DSE: variants seen among roughly 807,000 people sequenced by gnomAD.
The protein encoded by DSE is dermatan-sulfate epimerase.
DSE carries 36 observed loss-of-function variants against 84.4 expected under a neutral mutation model. The observed-to-expected ratio is 0.43, with a 90% CI of 0.33 to 0.56. DSE has a LOEUF of 0.56. Ranked by LOEUF, DSE falls within the 20% of genes least tolerant of loss-of-function variation. The pLI is 0.06. For synonymous variants in DSE, 410 were observed against 430.1 expected (o/e 0.95, Z 0.58); for missense variants, 862 against 1,169.6 (o/e 0.74, Z 3.84).
intron 2 of DSE, among the ~76,000 whole-genome samples, chr6:116,330,333 C>T (rs1003869399): frequency 8.5e-5 from 13 of 152,242 alleles, no homozygotes; most frequent in South Asian, 2.1e-4. Flanking sequence ...CAGAGGAAGG[C>T]GTATTAAAAA....
chr6:116,285,078 C>T (rs1490288648), intron 2 of DSE, among the ~76,000 whole-genome samples: 1 of 152,150 alleles, frequency 6.6e-6, no homozygotes, highest in African/African-American at 2.4e-5. Context: ...AGTTCTAGAT[C>T]CCTGAGGACT....
chr6:116,280,259 A>G lies in DSE; in HGVS notation c.-54+21292A>G, dbSNP rs532454183. 6.2e-4 allele frequency: 173 copies of G among 279,728 alleles called. 1 individual carries two copies. The highest frequency in any genetic ancestry group is 8.0e-4 in the Non-Finnish European group (113 of 141,490). 17.3% of individuals were successfully genotyped at this position (279,728 alleles called of 1,614,324 possible). Reference sequence around the variant, plus strand: ...TGGTCTTCACTTTTTTGAGGCAGGAAGGTAAATCTATTCCCTGTTACTCCA... The same window carrying G: ...TGGTCTTCACTTTTTTGAGGCAGGAGGGTAAATCTATTCCCTGTTACTCCA... On this transcript the variant is annotated intron_variant, in intron 2 of 3. Coordinates refer to the DSE transcript ENST00000430252.
At chr6:116,256,068 AC>A (rs1310824361) in intron 1 of DSE, 1 of 152,116 alleles carries the variant, frequency 6.6e-6, no homozygotes, top group Non-Finnish European at 1.5e-5. Context: ...ATAAACAAAG[AC>A]CCAGTGAGCA....
chr6:116,372,330 T>C (rs1412683780), intron 1 of DSE, among the ~76,000 whole-genome samples: 1 of 152,070 alleles, frequency 6.6e-6, no homozygotes, highest in East Asian at 1.9e-4. Context: ...TAGCCGGGCG[T>C]GGTGGCGGGC....
chr6:116,343,827 A>G (rs1777774510), intron 2 of DSE, among the ~76,000 whole-genome samples: 1 of 152,178 alleles, frequency 6.6e-6, no homozygotes, highest in African/African-American at 2.4e-5. Context: ...ATCGGTAATA[A>G]CAAACTTCTC....
chr6:116,289,618 A>G (rs979556595), intron 2 of DSE, among the ~76,000 whole-genome samples: 1 of 152,120 alleles, frequency 6.6e-6, no homozygotes, highest in East Asian at 1.9e-4. Flanking sequence ...GAACAACTAG[A>G]CCTTCATGAT....
At chr6:116,411,169 G>C (rs1782327126) in intron 2 of DSE, among the ~76,000 whole-genome samples, 1 of 152,108 alleles carries the variant, frequency 6.6e-6, no homozygotes, top group African/African-American at 2.4e-5. Flanking sequence ...ATGTGTGTGT[G>C]TGTTGTGCGT....
At chr6:116,311,387 A>C (rs957967111) in intron 2 of DSE, among the ~76,000 whole-genome samples, 1 of 152,238 alleles carries the variant, frequency 6.6e-6, no homozygotes, top group African/African-American at 2.4e-5. Flanking sequence ...GAAATATAGT[A>C]GAAATAAAGA....
At chr6:116,254,392 C>G (rs1178513109) in intron 1 of DSE, 1 of 471,392 alleles carries the variant, frequency 2.1e-6, no homozygotes, top group African/African-American at 2.0e-5. Flanking sequence ...AGGTGAGTTA[C>G]TGTCTATTCA....
At chr6:116,370,866 C>T (rs995817171), upstream of DSE, 1 of 985,794 alleles carries the variant, frequency 1.0e-6, no homozygotes, top group Non-Finnish European at 1.2e-6. Flanking sequence ...CCTCCCCCCT[C>T]CAGCGGAGCC....
rs1773426708 is a variant in DSE, at chr6:116,280,099, G to A, written c.-54+21132G>A. ...AATTTTACCTACGTAAATAAATGTC[G>A]ATTGTGCTGAGTCTGGAAGCGCGGA... is the stretch of plus-strand genomic sequence containing the variant. On this transcript the variant is annotated intron_variant, in intron 2 of 3. Coordinates refer to the DSE transcript ENST00000430252. The A allele has an allele frequency of 7.3e-6, 4 of 547,342 alleles. No homozygotes were observed. In the Admixed American group the frequency reaches 1.2e-4, roughly 17 times the overall value. The allele number at this position is 547,342 out of a possible 1,614,324, so 33.9% of individuals were successfully genotyped here.
At chr6:116,323,834 A>T (rs1328365477) in intron 2 of DSE, among the ~76,000 whole-genome samples, 1 of 152,176 alleles carries the variant, frequency 6.6e-6, no homozygotes, top group Non-Finnish European at 1.5e-5. Context: ...TAGCCTGATC[A>T]TGTGCATCTT....
At chr6:116,397,555 G>C (rs761719765) in intron 1 of DSE, among the ~76,000 whole-genome samples, 8 of 152,086 alleles carry the variant, frequency 5.3e-5, no homozygotes, top group Non-Finnish European at 1.0e-4. Context: ...TGGGGGGACT[G>C]AGCATTACCT....
At chr6:116,379,940 T>C (rs1249761211) in intron 1 of DSE, among the ~76,000 whole-genome samples, 1 of 152,308 alleles carries the variant, frequency 6.6e-6, no homozygotes, top group East Asian at 1.9e-4. Context: ...TCATAAACCC[T>C]GCACATAAGG....
intron 1 of DSE, among the ~76,000 whole-genome samples, chr6:116,377,545 T>G (rs572109363): frequency 1.3e-5 from 2 of 152,314 alleles, no homozygotes; most frequent in East Asian, 3.9e-4. Context: ...AAGAAATAAC[T>G]GACTAGAAAT....
At chr6:116,384,346 T>G (rs1459534205) in intron 1 of DSE, among the ~76,000 whole-genome samples, 1 of 152,116 alleles carries the variant, frequency 6.6e-6, no homozygotes, top group African/African-American at 2.4e-5. Context: ...CCTTGGAATG[T>G]CAGGAAATAA....
intron 2 of DSE, among the ~76,000 whole-genome samples, chr6:116,318,041 A>G (rs1165059972): frequency 1.3e-5 from 2 of 152,158 alleles, no homozygotes; most frequent in African/African-American, 4.8e-5. Flanking sequence ...ATCCTAATCA[A>G]AGCAAGTTTT....
chr6:116,305,448 G>A (rs1183080034), intron 2 of DSE, among the ~76,000 whole-genome samples: 2 of 152,118 alleles, frequency 1.3e-5, no homozygotes, highest in African/African-American at 4.8e-5. Context: ...CCAGATTGAA[G>A]GAGACAAAAG....
upstream of DSE, among the ~76,000 whole-genome samples, chr6:116,368,950 G>GGT (rs1201780083): frequency 4.0e-5 from 6 of 151,410 alleles, no homozygotes; most frequent in Admixed American, 4.0e-4. Context: ...GGACGGGGGG[G>GGT]GCTTTGCACA....
Sources: allele counts gnomAD v4.1 joint callset (sites outside exome capture counted in the v4.1 genomes callset), GRCh38; gene constraint gnomAD v4.1.1; transcripts MANE v1.5; gene names NCBI Gene and HGNC (gene_info 2026-07-23, HGNC 2026-07-21).